Variants in MGAT4C observed in about 807,000 individuals in gnomAD.
The protein encoded by MGAT4C is alpha-1,3-mannosyl-glycoprotein 4-beta-N-acetylglucosaminyltransferase C.
In MGAT4C, 19 loss-of-function variants were observed where a neutral mutation model predicts 40.1. That is an observed-to-expected ratio of 0.47 (90% CI 0.33 to 0.70). The LOEUF is 0.70. MGAT4C is among the 30% of genes least tolerant of loss of function. MGAT4C has a pLI of 0.02. For synonymous variants in MGAT4C, 181 were observed against 187.1 expected (o/e 0.97, Z 0.27); for missense variants, 491 against 563.2 (o/e 0.87, Z 1.30).
At chr12:86,086,894 C>G (rs951009030) in intron 1 of MGAT4C, among the ~76,000 whole-genome samples, 1 of 151,988 alleles carries the variant, frequency 6.6e-6, no homozygotes, top group African/African-American at 2.4e-5. Flanking sequence ...TTTCTTTTAG[C>G]TCCCACATAT....
chr12:85,986,839 A>C (rs1885259910), intron 3 of MGAT4C, among the ~76,000 whole-genome samples: 1 of 152,168 alleles, frequency 6.6e-6, no homozygotes, highest in Non-Finnish European at 1.5e-5. Flanking sequence ...ATTGCATTAT[A>C]TTCTTGGAGG....
At chr12:86,496,311 TTACTC>T (rs144560239) in intron 2 of MGAT4C, among the ~76,000 whole-genome samples, 4,143 of 152,082 alleles carry the variant, frequency 0.027, 155 homozygotes, top group African/African-American at 0.086. Context: ...GTTATGCTAT[TTACTC>T]TAACTAATAG....
intron 2 of MGAT4C, among the ~76,000 whole-genome samples, chr12:86,454,366 T>C (rs1268028095): frequency 2.0e-5 from 3 of 152,076 alleles, no homozygotes; most frequent in Non-Finnish European, 2.9e-5. Context: ...TAGCTGGAAC[T>C]ACAGGTGCAA....
intron 1 of MGAT4C, among the ~76,000 whole-genome samples, chr12:86,120,113 C>T (rs1014861681): frequency 6.6e-6 from 1 of 151,050 alleles, no homozygotes; most frequent in African/African-American, 2.4e-5. Context: ...AATATGTTAC[C>T]TTTACAGAAA....
chr12:86,040,076 C>T (rs1891652356), intron 2 of MGAT4C, among the ~76,000 whole-genome samples: 1 of 152,198 alleles, frequency 6.6e-6, no homozygotes, highest in African/African-American at 2.4e-5. Flanking sequence ...ACCAAGATTG[C>T]TGCCTATTCC....
intron 2 of MGAT4C, among the ~76,000 whole-genome samples, chr12:86,569,326 C>G (rs1960269025): frequency 6.6e-6 from 1 of 152,066 alleles, no homozygotes; most frequent in Non-Finnish European, 1.5e-5. Context: ...GGGAATTTAA[C>G]ATCTCCACAG....
chr12:86,201,231 C>A (rs844432), intron 1 of MGAT4C, among the ~76,000 whole-genome samples: 102,794 of 151,838 alleles, frequency 0.68, 35,092 homozygotes, highest in South Asian at 0.75. Flanking sequence ...ATGACCCATG[C>A]GAAAATATTT....
intron 1 of MGAT4C, among the ~76,000 whole-genome samples, chr12:86,827,590 C>T (rs141923589): frequency 2.1e-4 from 32 of 151,334 alleles, no homozygotes; most frequent in African/African-American, 7.7e-4. Context: ...AACAATGACA[C>T]TTAGAGAAAT....
At chr12:86,299,192 T>C (rs1184613118) in intron 4 of MGAT4C, among the ~76,000 whole-genome samples, 1 of 152,220 alleles carries the variant, frequency 6.6e-6, no homozygotes, top group South Asian at 2.1e-4. Flanking sequence ...CTCGGCTCAC[T>C]GCAAGCTCTG....
At position 85,986,064 on chromosome 12, in the gene MGAT4C, C is replaced by T. The variant is rs145097594; in HGVS notation, c.148-2394G>A. Among the ~76,000 whole-genome samples the T allele has an allele frequency of 3.8e-3, 584 of 152,250 alleles. 1 individual carries two copies. The highest frequency in any genetic ancestry group is 0.013 in the African/African-American group (557 of 41,544). On this transcript the variant is annotated intron_variant, in intron 3 of 4. Coordinates refer to ENST00000611864, the MANE Select transcript of MGAT4C (RefSeq NM_001351288.2). ...CATTCATCCTGATTTAAGGACATAA[C>T]AGAATATAAAAAGAAATGGAACTTA...
chr12:86,301,185 G>A (rs997508373), intron 4 of MGAT4C, among the ~76,000 whole-genome samples: 1 of 152,246 alleles, frequency 6.6e-6, no homozygotes, highest in African/African-American at 2.4e-5. Flanking sequence ...CATCTCAAAG[G>A]GTTGCTAGAG....
intron 1 of MGAT4C, among the ~76,000 whole-genome samples, chr12:86,800,986 A>C (rs572335923): frequency 2.0e-5 from 3 of 151,996 alleles, no homozygotes; most frequent in Non-Finnish European, 2.9e-5. Flanking sequence ...GTGATATCTT[A>C]TCACTCTGGC....
chr12:86,200,836 T>C (rs1296277478), intron 1 of MGAT4C, among the ~76,000 whole-genome samples: 2 of 152,238 alleles, frequency 1.3e-5, no homozygotes, highest in South Asian at 2.1e-4. Flanking sequence ...GTCATGAAAG[T>C]CTTAATCTAA....
intron 2 of MGAT4C, among the ~76,000 whole-genome samples, chr12:86,707,287 G>T (rs1404474230): frequency 6.6e-6 from 1 of 152,124 alleles, no homozygotes; most frequent in Non-Finnish European, 1.5e-5. Flanking sequence ...GGGAAAGTTT[G>T]GAACTTCCTA....
intron 2 of MGAT4C, chr12:86,011,936 T>G: frequency 3.1e-5 from 25 of 815,276 alleles, no homozygotes; most frequent in Non-Finnish European, 3.3e-5. Context: ...GAAGATGAGT[T>G]ACTTGAGCAG....
At chr12:86,747,433 C>A (rs1030615281) in intron 1 of MGAT4C, among the ~76,000 whole-genome samples, 3 of 151,506 alleles carry the variant, frequency 2.0e-5, no homozygotes, top group African/African-American at 7.3e-5. Flanking sequence ...TGTTATAATT[C>A]ATATTAAACT....
chr12:86,524,297 G>T (rs530691097), intron 2 of MGAT4C, among the ~76,000 whole-genome samples: 1 of 152,242 alleles, frequency 6.6e-6, no homozygotes, highest in African/African-American at 2.4e-5. Context: ...GCTAACAAAT[G>T]TCCTCAGCAT....
chr12:86,584,143 C>T (rs1960910379), intron 2 of MGAT4C, among the ~76,000 whole-genome samples: 2 of 150,600 alleles, frequency 1.3e-5, no homozygotes, highest in Admixed American at 1.3e-4. Flanking sequence ...CAGTGAATAT[C>T]CACATATACA....
intron 1 of MGAT4C, among the ~76,000 whole-genome samples, chr12:86,107,940 T>C (rs552967824): frequency 4.6e-5 from 7 of 152,116 alleles, no homozygotes; most frequent in Non-Finnish European, 8.8e-5. Context: ...TAAATAAATT[T>C]ATTATAGGGC....
Sources: gnomAD v4.1 joint callset for allele counts (sites outside exome capture counted in the v4.1 genomes callset) on GRCh38, gnomAD v4.1.1 for gene constraint, MANE v1.5 for transcripts, NCBI Gene and HGNC (gene_info 2026-07-23, HGNC 2026-07-21) for gene names.